The following SEC14L1 variants were observed in gnomAD, a reference collection of about 807,000 sequenced individuals.
SEC14L1 encodes the protein SEC14 like lipid binding 1.
Under a neutral mutation model 85.3 loss-of-function variants are expected in SEC14L1, and 48 were observed. The observed-to-expected ratio is 0.56, with a 90% CI of 0.45 to 0.72. SEC14L1 has a LOEUF of 0.72. SEC14L1 is among the 30% of genes least tolerant of loss of function. The pLI is 0.00. For synonymous variants in SEC14L1, 391 were observed against 355.5 expected (o/e 1.10, Z -1.12); for missense variants, 682 against 921.4 (o/e 0.74, Z 3.36).
intron 3 of SEC14L1, among the ~76,000 whole-genome samples, chr17:77,175,323 A>T (rs1178043183): frequency 6.6e-6 from 1 of 152,258 alleles, no homozygotes; most frequent in African/African-American, 2.4e-5. Context: ...GGTTGGGCTC[A>T]GAACAAAGAC....
intron 3 of SEC14L1, among the ~76,000 whole-genome samples, chr17:77,131,609 G>T (rs1972615457): frequency 6.6e-6 from 1 of 152,198 alleles, no homozygotes; most frequent in African/African-American, 2.4e-5. Context: ...ACTGTGTTCA[G>T]AGTAAATTAA....
At chr17:77,184,271 T>C (rs918341781) in intron 3 of SEC14L1, among the ~76,000 whole-genome samples, 1 of 152,214 alleles carries the variant, frequency 6.6e-6, no homozygotes, top group African/African-American at 2.4e-5. Context: ...GTACCCACCT[T>C]TGTTCCTTTG....
chr17:77,194,994 C>G, intron 7 of SEC14L1, 83 bp downstream of exon 7: 1 of 988,580 alleles, frequency 1.0e-6, no homozygotes, highest in South Asian at 1.4e-5. Context: ...TCTGCCTGTT[C>G]CCGCTTCCTT....
intron 3 of SEC14L1, among the ~76,000 whole-genome samples, chr17:77,103,435 T>TTG (rs1396978663): frequency 4.2e-5 from 6 of 144,062 alleles, no homozygotes. Flanking sequence ...TTTGTTGTTG[T>TTG]TTTTTTTTTG....
chr17:77,122,986 C>T (rs1972339164), intron 3 of SEC14L1, among the ~76,000 whole-genome samples: 1 of 149,394 alleles, frequency 6.7e-6, no homozygotes, highest in South Asian at 2.1e-4. Context: ...AATCACACAG[C>T]ATCCAGACAC....
At chr17:77,180,537 G>A (rs765056920) in intron 3 of SEC14L1, among the ~76,000 whole-genome samples, 26 of 152,166 alleles carry the variant, frequency 1.7e-4, no homozygotes. Context: ...TCCCACCTCA[G>A]CCTTATTTTC....
chr17:77,206,638 C>G lies in SEC14L1; in HGVS notation c.1342-90C>G. 1 of 1,451,878 alleles carries G rather than the reference C, an allele frequency of 6.9e-7. No homozygotes were observed. The allele number at this position is 1,451,878 out of a possible 1,614,324, so 89.9% of individuals were successfully genotyped here. Reference sequence around the variant, plus strand: ...TATAAACTTGAATGTCTTCCCCCCACCCTCCCACTCAGAATACCACATTGT... The same window carrying G: ...TATAAACTTGAATGTCTTCCCCCCAGCCTCCCACTCAGAATACCACATTGT... On this transcript the variant is annotated intron_variant, in intron 12 of 16. Transcript: ENST00000436233. The surrounding 1 kb of genome is among the most constrained non-coding windows in gnomAD (Gnocchi z 4.3).
chr17:77,153,873 C>T (rs1456526988), intron 3 of SEC14L1, among the ~76,000 whole-genome samples: 4 of 152,148 alleles, frequency 2.6e-5, no homozygotes, highest in South Asian at 2.1e-4. Flanking sequence ...GATTTTTGAC[C>T]TGTACGCTAG....
intron 3 of SEC14L1, among the ~76,000 whole-genome samples, chr17:77,180,693 GT>G (rs1360778661): frequency 2.6e-5 from 4 of 152,202 alleles, no homozygotes; most frequent in Admixed American, 2.6e-4. Flanking sequence ...ACCATTGTGA[GT>G]TTGCCAGAAG....
intron 3 of SEC14L1, among the ~76,000 whole-genome samples, chr17:77,148,729 T>C (rs1170116802): frequency 6.6e-6 from 1 of 152,220 alleles, no homozygotes; most frequent in East Asian, 1.9e-4. Context: ...CCCTTGTTCC[T>C]TTGCGCACTC....
rs1447056153 is a variant in SEC14L1 at position 77,185,417 on chromosome 17, G to A, written c.64-5386G>A. ...AACGTCTGTGCAAATATGAGTCTAC[G>A]TGGATGGAGAATTTTACAGGGAAGG... On this transcript the variant is annotated intron_variant, in intron 3 of 16. Coordinates refer to ENST00000436233, the MANE Select transcript of SEC14L1 (RefSeq NM_001143998.2). 15 of 983,360 alleles carry A rather than the reference G, an allele frequency of 1.5e-5. 1 individual carries two copies. The South Asian group carries it at 2.8e-4, about 19-fold the overall frequency. The allele number at this position is 983,360 out of a possible 1,614,324, so 60.9% of individuals were successfully genotyped here. A position where few individuals can be genotyped will look rare whatever the true frequency, so the allele number is the denominator to read the frequency against.
intron 3 of SEC14L1, among the ~76,000 whole-genome samples, chr17:77,185,908 G>C (rs1975245639): frequency 1.3e-5 from 2 of 152,200 alleles, no homozygotes; most frequent in African/African-American, 4.8e-5. Flanking sequence ...TGTATGAAGA[G>C]ACAGATACTG....
chr17:77,212,846 A>T, intron 15 of SEC14L1: 1 of 173,662 alleles, frequency 5.8e-6, no homozygotes, highest in Non-Finnish European at 1.2e-5. Flanking sequence ...TGTGTTAACC[A>T]GTCATGAATT....
At position 77,213,124 on chromosome 17, in the gene SEC14L1, A is replaced by T. The variant is rs918570181; in HGVS notation, c.1864-190A>T. Among the ~76,000 whole-genome samples the T allele has an allele frequency of 6.6e-6, 1 of 152,352 alleles. No individual in the cohort carries two copies. On this transcript the variant is annotated intron_variant, in intron 15 of 16. Coordinates refer to ENST00000436233, the MANE Select transcript of SEC14L1 (RefSeq NM_001143998.2). The surrounding 1 kb of genome is among the most constrained non-coding windows in gnomAD (Gnocchi z 7.1). ...GGCTTCCCAGCACCCGGGAGTGACCACACTCAGTAGAGGGAAGGACATTGT... is the reference window on the plus strand; with the variant it reads ...GGCTTCCCAGCACCCGGGAGTGACCTCACTCAGTAGAGGGAAGGACATTGT...
intron 6 of SEC14L1, 36 bp from the exon 7 acceptor site, chr17:77,194,641 A>G (rs1418755847): frequency 4.0e-6 from 6 of 1,513,170 alleles, no homozygotes; most frequent in Non-Finnish European, 5.5e-6. Flanking sequence ...TGAATGTTGA[A>G]TATATACTCA....
intron 3 of SEC14L1, among the ~76,000 whole-genome samples, chr17:77,185,599 T>C (rs182446592): frequency 6.6e-6 from 1 of 152,238 alleles, no homozygotes; most frequent in African/African-American, 2.4e-5. Context: ...TACTCTGCCC[T>C]ATATGTCACT....
At chr17:77,211,637 G>C in intron 14 of SEC14L1, 2 of 374,286 alleles carry the variant, frequency 5.3e-6, no homozygotes, top group South Asian at 2.7e-5. Flanking sequence ...ACTCATGTAC[G>C]AGCTCACAGT....
At chr17:77,141,342 G>GCCCCCA (rs1428717385) in intron 1 of SEC14L1, 30 of 22,022 alleles carry the variant, frequency 1.4e-3, no homozygotes, top group East Asian at 9.6e-3. Context: ...CCCCTCCCCC[G>GCCCCCA]CCCCCACCCC....
At chr17:77,153,078 TA>T (rs750578492) in intron 3 of SEC14L1, among the ~76,000 whole-genome samples, 215 of 152,306 alleles carry the variant, frequency 1.4e-3, no homozygotes, top group Admixed American at 2.5e-3. Flanking sequence ...TTATTATTAT[TA>T]TTTTTTTGAG....
Sources: gnomAD v4.1 joint callset for allele counts (sites outside exome capture counted in the v4.1 genomes callset) on GRCh38, gnomAD v4.1.1 for gene constraint, Gnocchi (gnomAD v3.1) non-coding constraint, MANE v1.5 for transcripts, NCBI Gene and HGNC (gene_info 2026-07-23, HGNC 2026-07-21) for gene names.